Variants in ALK observed in about 807,000 individuals in gnomAD.
ALK encodes the protein ALK tyrosine kinase receptor.
Under a neutral mutation model 163.1 loss-of-function variants are expected in ALK, and 74 were observed. The ratio of observed to expected loss-of-function variants is 0.45; its 90% CI spans 0.38 to 0.55. The LOEUF (loss-of-function observed/expected upper bound fraction) is 0.55, where lower values mean the gene tolerates loss of function less well. ALK is among the 20% of genes least tolerant of loss of function. The probability of loss-of-function intolerance (pLI) is 0.00; values close to 1 mark genes in which losing one functional copy is unlikely to be tolerated. For missense variants in ALK, 2,063 were observed against 2,105.3 expected (o/e 0.98, Z 0.39); for synonymous variants, 960 against 843.2 (o/e 1.14, Z -2.40).
chr2:29,812,579 TG>T (rs1338823873), intron 1 of ALK, among the ~76,000 whole-genome samples: 2 of 152,214 alleles, frequency 1.3e-5, no homozygotes, highest in African/African-American at 4.8e-5. Context: ...TTTTAAATGA[TG>T]GGGTTTCAGA....
intron 3 of ALK, among the ~76,000 whole-genome samples, chr2:29,661,842 C>T (rs1677356994): frequency 2.0e-5 from 3 of 152,150 alleles, no homozygotes; most frequent in Admixed American, 6.5e-5. Flanking sequence ...AAGAAATGCC[C>T]TATCTGTTGA....
intron 12 of ALK, among the ~76,000 whole-genome samples, chr2:29,249,279 G>A (rs2148195771): frequency 6.6e-6 from 1 of 152,322 alleles, no homozygotes; most frequent in Non-Finnish European, 1.5e-5. Flanking sequence ...GTAGGACAAT[G>A]GGCTCCGCTG....
chr2:29,797,325 C>T lies in ALK; in HGVS notation c.668-79628G>A, dbSNP rs550999643. Among the ~76,000 whole-genome samples, 28 of 152,290 alleles carry T rather than the reference C, an allele frequency of 1.8e-4. No individual in the cohort carries two copies. In the South Asian group the frequency reaches 3.5e-3, roughly 19 times the overall value. On this transcript the variant is annotated intron_variant, in intron 1 of 28. Coordinates refer to ENST00000389048, the MANE Select transcript of ALK (RefSeq NM_004304.5). ...TGCTATTTCCTCCACCAAAAATGCTCACCTCCTGCTCCTATTCATAAGTCT... is the reference window on the plus strand; with the variant it reads ...TGCTATTTCCTCCACCAAAAATGCTTACCTCCTGCTCCTATTCATAAGTCT...
intron 3 of ALK, among the ~76,000 whole-genome samples, chr2:29,647,487 T>G (rs1384476928): frequency 6.6e-6 from 1 of 152,136 alleles, no homozygotes; most frequent in Non-Finnish European, 1.5e-5. Flanking sequence ...CTCAGTGGCC[T>G]GCAATCTTTC....
At chr2:29,534,010 G>A (rs2148160476) in intron 3 of ALK, among the ~76,000 whole-genome samples, 1 of 152,284 alleles carries the variant, frequency 6.6e-6, no homozygotes, top group Non-Finnish European at 1.5e-5. Flanking sequence ...TCAGGACAAA[G>A]GTAGATGATG....
chr2:29,267,114 C>G (rs942494108), intron 11 of ALK, among the ~76,000 whole-genome samples: 2 of 152,130 alleles, frequency 1.3e-5, no homozygotes, highest in African/African-American at 4.8e-5. Context: ...ACCCCACCCC[C>G]TCGTCCCCAC....
chr2:29,798,274 A>T (rs553093609), intron 1 of ALK, among the ~76,000 whole-genome samples: 3 of 152,328 alleles, frequency 2.0e-5, no homozygotes, highest in African/African-American at 7.2e-5. Context: ...TTAAATTGGT[A>T]TCATCACCAG....
At chr2:29,605,433 T>A (rs1487265315) in intron 3 of ALK, among the ~76,000 whole-genome samples, 1 of 152,216 alleles carries the variant, frequency 6.6e-6, no homozygotes, top group African/African-American at 2.4e-5. Context: ...CCCACTGCTA[T>A]AGACTAAATG....
intron 1 of ALK, among the ~76,000 whole-genome samples, chr2:29,897,048 G>A (rs1239312857): frequency 2.6e-5 from 4 of 152,172 alleles, no homozygotes; most frequent in Admixed American, 2.0e-4. Flanking sequence ...GGCCAGGCGC[G>A]GTGGCTCATG....
chr2:29,249,404 T>C (rs1237754191), intron 12 of ALK, among the ~76,000 whole-genome samples: 1 of 152,192 alleles, frequency 6.6e-6, no homozygotes, highest in Non-Finnish European at 1.5e-5. Flanking sequence ...TGGGCCCCTC[T>C]CATAGCCTCT....
rs2148442773 is a variant in ALK, at chr2:29,919,988, C to T, written c.667+5G>A. 1 of 1,613,176 alleles carries T rather than the reference C, an allele frequency of 6.2e-7. No homozygotes were observed. Among genetic ancestry groups the T allele is most frequent in the Non-Finnish European group, 8.5e-7 (1 of 1,179,312 alleles). Reference sequence around the variant, plus strand: ...TCCCGGCACACTCAGGCGGGAGCTGCTCACCAGTCCCGAAGATCTGGAAGA... The same window carrying T: ...TCCCGGCACACTCAGGCGGGAGCTGTTCACCAGTCCCGAAGATCTGGAAGA... On this transcript the variant is annotated splice_donor_5th_base_variant and intron_variant, in intron 1 of 28. Coordinates refer to ENST00000389048, the MANE Select transcript of ALK (RefSeq NM_004304.5).
In ALK at chr2:29,920,253, C is replaced by T. The variant is rs745712273; in HGVS notation, c.407G>A (p.Arg136Gln). ...CTCCAGCACCAACTGCTTGGCACGC[C>T]GGAGCTTGCGCACGGAGCCGCCCTT... ...VLKGGSVRKL[R>Q]RAKQLVLELG... is the part of the protein sequence containing the mutation. The change falls in exon 1 of 29, where the codon CGG becomes CAG. Residue 136 changes from arginine to glutamine, a missense_variant. This residue lies in a region of ALK where 987 missense variants were observed against 939.5 expected (regional missense o/e 1.05). Transcript: ENST00000389048. 14 of 1,606,432 alleles carry T rather than the reference C, an allele frequency of 8.7e-6. No homozygotes were observed. Among genetic ancestry groups the T allele is most frequent in the Non-Finnish European group, 1.1e-5 (13 of 1,177,116 alleles).
chr2:29,680,217 T>A (rs936979006), intron 3 of ALK, among the ~76,000 whole-genome samples: 11 of 152,038 alleles, frequency 7.2e-5, no homozygotes, highest in Non-Finnish European at 1.5e-4. Flanking sequence ...GCAAATTGAT[T>A]TTTTTCACCA....
intron 4 of ALK, among the ~76,000 whole-genome samples, chr2:29,453,551 C>CT (rs1412844958): frequency 5.3e-5 from 8 of 151,834 alleles, no homozygotes; most frequent in Non-Finnish European, 7.4e-5. Flanking sequence ...TAAAAAGTTT[C>CT]TTTTTTTTGA....
intron 1 of ALK, among the ~76,000 whole-genome samples, chr2:29,722,428 A>G (rs1252618126): frequency 1.3e-5 from 2 of 152,230 alleles, no homozygotes; most frequent in Non-Finnish European, 2.9e-5. Flanking sequence ...TCAACTCCAA[A>G]TAACCAGAAC....
intron 3 of ALK, among the ~76,000 whole-genome samples, chr2:29,568,476 G>A (rs989335327): frequency 1.3e-5 from 2 of 152,222 alleles, no homozygotes; most frequent in Non-Finnish European, 2.9e-5. Context: ...CTGCAGTCAG[G>A]AATTCAAATG....
chr2:29,540,058 T>G (rs976724478), intron 3 of ALK, among the ~76,000 whole-genome samples: 1 of 152,168 alleles, frequency 6.6e-6, no homozygotes, highest in Non-Finnish European at 1.5e-5. Flanking sequence ...ATAGTGGTTA[T>G]TGGATATAGT....
rs1009081585 is a variant in ALK at position 29,574,520 on chromosome 2, C to T, written c.953-42404G>A. Reference sequence around the variant, plus strand: ...GTTTGGTCCTGCCGGCCCTATAAACCGTTGAAATGTCTGAGAAAGACTCAT... The same window carrying T: ...GTTTGGTCCTGCCGGCCCTATAAACTGTTGAAATGTCTGAGAAAGACTCAT... On this transcript the variant is annotated intron_variant, in intron 3 of 28. Coordinates refer to ENST00000389048, the MANE Select transcript of ALK (RefSeq NM_004304.5). Among the ~76,000 whole-genome samples, 6 of 152,194 alleles carry T rather than the reference C, an allele frequency of 3.9e-5. 1 individual carries two copies. Among genetic ancestry groups the T allele is most frequent in the Admixed American group, 1.3e-4 (2 of 15,284 alleles).
intron 1 of ALK, among the ~76,000 whole-genome samples, chr2:29,894,560 A>T (rs1379463510): frequency 6.6e-6 from 1 of 152,056 alleles, no homozygotes; most frequent in Non-Finnish European, 1.5e-5. Context: ...AAAAACTATC[A>T]ATAACTTATC....
Sources: gnomAD v4.1 joint callset for allele counts (sites outside exome capture counted in the v4.1 genomes callset) on GRCh38, gnomAD v4.1.1 for gene constraint, gnomAD v4.1.1 regional missense constraint, MANE v1.5 for transcripts, NCBI Gene and HGNC (gene_info 2026-07-23, HGNC 2026-07-21) for gene names.